PRELID2: variants seen among roughly 807,000 people sequenced by gnomAD.
PRELID2 encodes PRELI domain-containing protein 2.
PRELID2 carries 25 observed loss-of-function variants against 28.4 expected under a neutral mutation model. The observed-to-expected ratio is 0.88, with a 90% CI of 0.64 to 1.23. PRELID2 has a LOEUF of 1.23. Ranked by LOEUF, PRELID2 falls within the 50% of genes most tolerant of loss-of-function variation. The probability of loss-of-function intolerance (pLI) is 0.00; values close to 1 mark genes in which losing one functional copy is unlikely to be tolerated. For synonymous variants in PRELID2, 76 were observed against 71.6 expected, an observed-to-expected ratio of 1.06 and a Z score of -0.31; for missense variants, 201 against 214.4, an observed-to-expected ratio of 0.94 and a Z score of 0.39.
intron 1 of PRELID2, among the ~76,000 whole-genome samples, chr5:145,536,750 A>G (rs1213481526): frequency 6.6e-6 from 1 of 151,912 alleles, no homozygotes; most frequent in Non-Finnish European, 1.5e-5. Context: ...AAATAAGGAC[A>G]TAGTATTTTT....
At chr5:145,610,178 G>A (rs958833690) in intron 1 of PRELID2, among the ~76,000 whole-genome samples, 1 of 152,136 alleles carries the variant, frequency 6.6e-6, no homozygotes, top group African/African-American at 2.4e-5. Flanking sequence ...CCCCTGGGGG[G>A]CTCTCACTCA....
intron 1 of PRELID2, among the ~76,000 whole-genome samples, chr5:145,577,462 T>TA (rs1234589423): frequency 9.4e-5 from 14 of 148,670 alleles, no homozygotes; most frequent in Non-Finnish European, 4.5e-5. Flanking sequence ...ATGAAGAAAA[T>TA]AAAAAATGCA....
intron 1 of PRELID2, among the ~76,000 whole-genome samples, chr5:145,616,587 C>G (rs1753701582): frequency 6.6e-6 from 1 of 152,038 alleles, no homozygotes; most frequent in Non-Finnish European, 1.5e-5. Context: ...AGCCGTAAAA[C>G]CAGCAAGTTT....
At chr5:145,390,383 A>T in the PRELID2 span, among the ~76,000 whole-genome samples, 1 of 152,316 alleles carries the variant, frequency 6.6e-6, no homozygotes, top group South Asian at 2.1e-4. Context: ...GGCCTCAGAA[A>T]ACTTAAAATC....
chr5:145,229,753 T>A, the PRELID2 span: 4 of 754,136 alleles, frequency 5.3e-6, no homozygotes, highest in South Asian at 5.4e-5. Context: ...AATCAAGGCC[T>A]GGGCTTGAAA....
chr5:145,271,134 C>G, the PRELID2 span, among the ~76,000 whole-genome samples: 1 of 152,132 alleles, frequency 6.6e-6, no homozygotes, highest in Non-Finnish European at 1.5e-5. Context: ...CCCACCAGGT[C>G]TCTCCCTAGA....
chr5:145,415,718 G>T, the PRELID2 span, among the ~76,000 whole-genome samples: 41 of 151,750 alleles, frequency 2.7e-4, no homozygotes, highest in Non-Finnish European at 5.4e-4. Flanking sequence ...CTTTGCTATT[G>T]TGAATAGTGC....
the PRELID2 span, among the ~76,000 whole-genome samples, chr5:145,446,672 T>C: frequency 6.6e-6 from 1 of 152,146 alleles, no homozygotes; most frequent in African/African-American, 2.4e-5. Context: ...TATCCCGTAT[T>C]ATCATCTTCA....
At chr5:145,817,421 T>TTATATATATATATTTATTTA (rs1554099436) in intron 4 of PRELID2, among the ~76,000 whole-genome samples, 2 of 103,596 alleles carry the variant, frequency 1.9e-5, no homozygotes, top group African/African-American at 6.7e-5. Flanking sequence ...TAAGCTAGTT[T>TTATATATATATATTTATTTA]TATATATATA....
chr5:145,585,840 C>T (rs926500891), intron 1 of PRELID2, among the ~76,000 whole-genome samples: 7 of 152,082 alleles, frequency 4.6e-5, no homozygotes, highest in Middle Eastern at 3.4e-3. Flanking sequence ...CCAGAGATAC[C>T]GAAAAGCCTT....
At chr5:145,553,698 A>G (rs1315172814) in intron 1 of PRELID2, among the ~76,000 whole-genome samples, 1 of 152,272 alleles carries the variant, frequency 6.6e-6, no homozygotes, top group Non-Finnish European at 1.5e-5. Flanking sequence ...GTAGTTTTAT[A>G]TAATATAGTG....
At chr5:145,351,022 T>A in the PRELID2 span, among the ~76,000 whole-genome samples, 9 of 152,178 alleles carry the variant, frequency 5.9e-5, no homozygotes, top group Admixed American at 5.9e-4. Flanking sequence ...GATATTTAGG[T>A]AATTTAACTC....
intron 1 of PRELID2, among the ~76,000 whole-genome samples, chr5:145,694,438 T>G (rs1328169373): frequency 6.6e-6 from 1 of 152,214 alleles, no homozygotes; most frequent in Non-Finnish European, 1.5e-5. Flanking sequence ...ATTTTTCTTA[T>G]GTGCTTTTGC....
At chr5:145,826,635 G>A in intron 1 of PRELID2, among the ~76,000 whole-genome samples, 1 of 152,110 alleles carries the variant, frequency 6.6e-6, no homozygotes, top group East Asian at 1.9e-4. Context: ...AGGGTAAAAT[G>A]TAGACGTGCC....
the PRELID2 span, among the ~76,000 whole-genome samples, chr5:145,366,658 G>C: frequency 1.3e-5 from 2 of 151,626 alleles, no homozygotes; most frequent in African/African-American, 4.8e-5. Flanking sequence ...GAAATACTTT[G>C]ACTATTTCTG....
At chr5:145,830,515 T>C (rs1581302494) in intron 1 of PRELID2, among the ~76,000 whole-genome samples, 1 of 152,226 alleles carries the variant, frequency 6.6e-6, no homozygotes, top group African/African-American at 2.4e-5. Context: ...TATGCAACTT[T>C]GTGTTCTCTT....
chr5:145,518,392 G>T (rs1038191552), intron 1 of PRELID2, among the ~76,000 whole-genome samples: 1 of 151,942 alleles, frequency 6.6e-6, no homozygotes, highest in African/African-American at 2.4e-5. Context: ...TAGAGATGGG[G>T]TTTTACCATA....
At chr5:145,253,608 T>C in the PRELID2 span, among the ~76,000 whole-genome samples, 1 of 152,066 alleles carries the variant, frequency 6.6e-6, no homozygotes, top group East Asian at 1.9e-4. Context: ...CAGCCATCTC[T>C]GTGGTGCCTC....
chr5:145,659,798 T>C (rs1362763398), intron 1 of PRELID2, among the ~76,000 whole-genome samples: 1 of 152,234 alleles, frequency 6.6e-6, no homozygotes, highest in East Asian at 1.9e-4. Context: ...TTTACTGTTA[T>C]GAATAGTGTA....
Sources: allele counts gnomAD v4.1 joint callset (sites outside exome capture counted in the v4.1 genomes callset), GRCh38; gene constraint gnomAD v4.1.1; transcripts MANE v1.5; gene names NCBI Gene and HGNC (gene_info 2026-07-23, HGNC 2026-07-21).